The following GMDS variants were observed in gnomAD, a reference collection of about 807,000 sequenced individuals.
GMDS encodes GDP-mannose 4,6-dehydratase, also known as GDP-mannose 4,6 dehydratase.
A neutral mutation model predicts 49.9 loss-of-function variants in GMDS; 20 were observed. The ratio of observed to expected loss-of-function variants is 0.40; its 90% CI spans 0.28 to 0.58. The LOEUF is 0.58. GMDS is among the 20% of genes least tolerant of loss of function. The probability of loss-of-function intolerance (pLI) is 0.42; values close to 1 mark genes in which losing one functional copy is unlikely to be tolerated. For synonymous variants in GMDS, 177 were observed against 178.6 expected (o/e 0.99, Z 0.07); for missense variants, 362 against 481.4 (o/e 0.75, Z 2.32).
At chr6:1,970,775 A>G (rs948667271) in intron 4 of GMDS, among the ~76,000 whole-genome samples, 1 of 152,102 alleles carries the variant, frequency 6.6e-6, no homozygotes, top group African/African-American at 2.4e-5. Context: ...AGGCACAGGG[A>G]GGGGAACAAC....
intron 7 of GMDS, among the ~76,000 whole-genome samples, chr6:1,866,926 A>G (rs557933037): frequency 4.6e-5 from 7 of 152,346 alleles, no homozygotes; most frequent in Admixed American, 2.6e-4. Flanking sequence ...TAACAACAAT[A>G]TATTCCTTGG....
intron 7 of GMDS, among the ~76,000 whole-genome samples, chr6:1,788,834 C>T (rs1188129155): frequency 6.6e-6 from 1 of 152,196 alleles, no homozygotes; most frequent in African/African-American, 2.4e-5. Flanking sequence ...TCATTTTCCT[C>T]TATGTGTTAG....
chr6:1,853,156 ATC>A (rs1757768702), intron 7 of GMDS, among the ~76,000 whole-genome samples: 1 of 152,120 alleles, frequency 6.6e-6, no homozygotes, highest in Non-Finnish European at 1.5e-5. Context: ...TCTGAAAAGT[ATC>A]TGAGACATGA....
chr6:2,009,928 T>C (rs1411715806), intron 4 of GMDS, among the ~76,000 whole-genome samples: 3 of 151,944 alleles, frequency 2.0e-5, no homozygotes, highest in Non-Finnish European at 2.9e-5. Flanking sequence ...ACAAGAAAAA[T>C]ACTTGAAGAT....
At chr6:1,647,802 T>C (rs1415149361) in intron 9 of GMDS, among the ~76,000 whole-genome samples, 1 of 152,168 alleles carries the variant, frequency 6.6e-6, no homozygotes, top group Non-Finnish European at 1.5e-5. Context: ...GACAAGCCCT[T>C]CCTTCCTCCT....
chr6:1,798,524 C>T (rs181335135), intron 7 of GMDS, among the ~76,000 whole-genome samples: 9 of 152,192 alleles, frequency 5.9e-5, no homozygotes, highest in Non-Finnish European at 1.3e-4. Context: ...CAGGCTTTCT[C>T]GTAGCTGGAA....
At chr6:2,120,263 G>T (rs908802271) in intron 2 of GMDS, among the ~76,000 whole-genome samples, 2 of 152,078 alleles carry the variant, frequency 1.3e-5, no homozygotes, top group African/African-American at 4.8e-5. Context: ...GCTAGTAAGT[G>T]GCAACGTTAA....
chr6:1,699,991 G>A (rs1009603443), intron 9 of GMDS, among the ~76,000 whole-genome samples: 4 of 152,162 alleles, frequency 2.6e-5, no homozygotes, highest in African/African-American at 9.7e-5. Flanking sequence ...GAGGAGAACA[G>A]CAGCTCACAC....
At chr6:1,769,218 G>C (rs1768477591) in intron 7 of GMDS, among the ~76,000 whole-genome samples, 1 of 152,220 alleles carries the variant, frequency 6.6e-6, no homozygotes, top group Non-Finnish European at 1.5e-5. Flanking sequence ...TGGGTTTACG[G>C]AGATAAAGAG....
At chr6:2,005,269 G>A (rs1247878666) in intron 4 of GMDS, among the ~76,000 whole-genome samples, 2 of 152,100 alleles carry the variant, frequency 1.3e-5, no homozygotes, top group Non-Finnish European at 2.9e-5. Flanking sequence ...CGTGCAATAT[G>A]TTAAGTATCA....
intron 1 of GMDS, among the ~76,000 whole-genome samples, chr6:2,151,706 C>T (rs1355585213): frequency 6.6e-6 from 1 of 152,082 alleles, no homozygotes; most frequent in Non-Finnish European, 1.5e-5. Context: ...TAATATTAAT[C>T]TAAAACTGGG....
chr6:1,907,710 G>C (rs1760845424), intron 7 of GMDS, among the ~76,000 whole-genome samples: 1 of 152,202 alleles, frequency 6.6e-6, no homozygotes, highest in Non-Finnish European at 1.5e-5. Flanking sequence ...TGGGAGGCAG[G>C]TGAGCCTCCT....
chr6:2,008,387 G>A (rs1208823992), intron 4 of GMDS, among the ~76,000 whole-genome samples: 9 of 152,102 alleles, frequency 5.9e-5, no homozygotes, highest in African/African-American at 9.7e-5. Context: ...CATATGATGC[G>A]TTTTTCTTCA....
At chr6:1,871,401 T>C (rs1350054753) in intron 7 of GMDS, among the ~76,000 whole-genome samples, 1 of 152,240 alleles carries the variant, frequency 6.6e-6, no homozygotes, top group African/African-American at 2.4e-5. Context: ...TGTAATATTT[T>C]AATTTTAAAA....
At position 1,869,606 on chromosome 6, in the gene GMDS, C is replaced by A. The variant is rs1302142925; in HGVS notation, c.771+60497G>T. Among the ~76,000 whole-genome samples, 3 of 152,162 alleles carry A rather than the reference C, an allele frequency of 2.0e-5. No individual in the cohort carries two copies. In the East Asian group the frequency reaches 5.8e-4, roughly 29 times the overall value. ...CTTCAGATATTCAGGCAGTTTCTGA[C>A]AATGGTTAGAAATAATGAAAAACCT... On this transcript the variant is annotated intron_variant, in intron 7 of 10. Coordinates refer to ENST00000380815, the MANE Select transcript of GMDS (RefSeq NM_001500.4).
At chr6:1,695,027 TGTAAA>T (rs1765290537) in intron 9 of GMDS, among the ~76,000 whole-genome samples, 1 of 152,188 alleles carries the variant, frequency 6.6e-6, no homozygotes, top group Non-Finnish European at 1.5e-5. Flanking sequence ...ATCTCTTCAG[TGTAAA>T]ACACAGAGAA....
At chr6:1,960,620 C>A (rs1024411084) in intron 5 of GMDS, among the ~76,000 whole-genome samples, 154 bp downstream of exon 5, 8 of 152,156 alleles carry the variant, frequency 5.3e-5, no homozygotes, top group African/African-American at 1.9e-4. Flanking sequence ...GTATGCTTCT[C>A]AACAAGTTCA....
intron 7 of GMDS, among the ~76,000 whole-genome samples, chr6:1,807,666 T>C (rs1194905596): frequency 6.6e-6 from 1 of 152,242 alleles, no homozygotes; most frequent in Non-Finnish European, 1.5e-5. Context: ...GGAGGTGTTT[T>C]CAGTAAGATT....
intron 9 of GMDS, among the ~76,000 whole-genome samples, chr6:1,627,764 G>A (rs1762886324): frequency 6.6e-6 from 1 of 152,172 alleles, no homozygotes; most frequent in Admixed American, 6.5e-5. Flanking sequence ...GCAACTGGGT[G>A]GTCTGGAGCT....
Sources: gnomAD v4.1 joint callset for allele counts (sites outside exome capture counted in the v4.1 genomes callset) on GRCh38, gnomAD v4.1.1 for gene constraint, MANE v1.5 for transcripts, NCBI Gene and HGNC (gene_info 2026-07-23, HGNC 2026-07-21) for gene names.